ZNF253: variants seen among roughly 807,000 people sequenced by gnomAD.
The protein encoded by ZNF253 is DNA-binding protein.
ZNF253 carries 8 observed loss-of-function variants against 11.9 expected under a neutral mutation model. The observed-to-expected ratio is 0.67, with a 90% CI of 0.40 to 1.22. The LOEUF (loss-of-function observed/expected upper bound fraction) is 1.22. Among genes scored for constraint, ZNF253 ranks in the 50% most tolerant of loss-of-function variants. The pLI, the probability that ZNF253 is intolerant of heterozygous loss-of-function variation, is 0.01. For synonymous variants in ZNF253, 194 were observed against 194.9 expected (o/e 1.00, Z 0.04); for missense variants, 485 against 586.9 (o/e 0.83, Z 1.79).
At position 19,866,105 on chromosome 19, in the gene ZNF253, C is replaced by T. The variant is rs1021941944; in HGVS notation, c.3+106C>T. 14 of 1,472,874 alleles carry T rather than the reference C, an allele frequency of 9.5e-6. No individual in the cohort carries two copies. In the African/African-American group the frequency reaches 1.9e-4, roughly 20 times the overall value. 91.2% of individuals were successfully genotyped at this position (1,472,874 alleles called of 1,614,324 possible). Reference sequence around the variant, plus strand: ...CCTCACAGTCAGCTCCACAATCTGCCGCCGGAGTTCTCCCTGCCCAGCTCG... The same window carrying T: ...CCTCACAGTCAGCTCCACAATCTGCTGCCGGAGTTCTCCCTGCCCAGCTCG... On this transcript the variant is annotated intron_variant, in intron 1 of 3. Transcript: ENST00000589717.
intron 2 of ZNF253, 55 bp downstream of exon 2, chr19:19,878,662 T>C: frequency 6.5e-7 from 1 of 1,546,128 alleles, no homozygotes; most frequent in South Asian, 1.2e-5. Flanking sequence ...TTTATTTCTC[T>C]TTTTTGTAGA....
chr19:19,880,706 CAAA>C (rs555124619), intron 3 of ZNF253, among the ~76,000 whole-genome samples: 4 of 118,566 alleles, frequency 3.4e-5, no homozygotes, highest in Admixed American at 8.8e-5. Flanking sequence ...CTCCATCTCA[CAAA>C]AAAAAAAAAA....
intron 3 of ZNF253, among the ~76,000 whole-genome samples, chr19:19,888,757 A>G (rs1372807478): frequency 1.3e-5 from 2 of 152,196 alleles, no homozygotes; most frequent in African/African-American, 4.8e-5. Context: ...ATAATAAGTA[A>G]GGAATTCTAT....
chr19:19,876,249 A>C (rs1187849210), intron 1 of ZNF253, among the ~76,000 whole-genome samples: 1 of 152,198 alleles, frequency 6.6e-6, no homozygotes, highest in African/African-American at 2.4e-5. Flanking sequence ...AAACCTGCAG[A>C]ATCATATTAC....
In ZNF253 at chr19:19,885,291, CT is replaced by C. The variant is rs1417150389; in HGVS notation, c.226+5146del. On this transcript the variant is annotated intron_variant, in intron 3 of 3. Coordinates refer to ENST00000589717, the MANE Select transcript of ZNF253 (RefSeq NM_021047.3). ...TCTTTCTTTCTTTCTTTCTTTCTTTCTCTTTCTTTTCTTTCTTTCTTTCTTT... is the reference window on the plus strand; with the variant it reads ...TCTTTCTTTCTTTCTTTCTTTCTTTCCTTTCTTTTCTTTCTTTCTTTCTTT... Among the ~76,000 whole-genome samples, 22 of 24,786 alleles carry C rather than the reference CT, an allele frequency of 8.9e-4. 2 individuals carry two copies. The highest frequency in any genetic ancestry group is 4.8e-3 in the African/African-American group (15 of 3,098). The allele number at this position is 24,786 out of a possible 152,430, so 16.3% of individuals were successfully genotyped here.
At chr19:19,883,308 A>T (rs2063185532) in intron 3 of ZNF253, among the ~76,000 whole-genome samples, 1 of 152,150 alleles carries the variant, frequency 6.6e-6, no homozygotes, top group South Asian at 2.1e-4. Context: ...TCTTAAATCT[A>T]TTGAAGTGTA....
intron 3 of ZNF253, among the ~76,000 whole-genome samples, chr19:19,883,340 T>G (rs1041503778): frequency 6.6e-6 from 1 of 152,148 alleles, no homozygotes; most frequent in East Asian, 1.9e-4. Flanking sequence ...CAAGTGTGGT[T>G]GTGGCTCTCA....
At chr19:19,872,439 G>A (rs1239768600) in intron 1 of ZNF253, among the ~76,000 whole-genome samples, 1 of 151,514 alleles carries the variant, frequency 6.6e-6, no homozygotes, top group South Asian at 2.1e-4. Context: ...GTGCAGTTAT[G>A]TATTTCTCCT....
At chr19:19,881,688 C>G (rs1015523508) in intron 3 of ZNF253, among the ~76,000 whole-genome samples, 2 of 149,318 alleles carry the variant, frequency 1.3e-5, no homozygotes, top group Middle Eastern at 7.0e-3. Flanking sequence ...CATACATATA[C>G]TTATGTATGT....
intron 1 of ZNF253, among the ~76,000 whole-genome samples, chr19:19,876,737 G>A (rs1210513500): frequency 1.3e-5 from 2 of 151,944 alleles, no homozygotes; most frequent in African/African-American, 2.4e-5. Context: ...TTCTGTTTCA[G>A]ATCAAGAGCT....
At chr19:19,887,443 T>G (rs983905709) in intron 3 of ZNF253, among the ~76,000 whole-genome samples, 1 of 152,028 alleles carries the variant, frequency 6.6e-6, no homozygotes, top group African/African-American at 2.4e-5. Context: ...ATTAAAGGCA[T>G]CTGCTACCAC....
chr19:19,881,789 A>T (rs1286086654), intron 3 of ZNF253, among the ~76,000 whole-genome samples: 1 of 152,072 alleles, frequency 6.6e-6, no homozygotes, highest in African/African-American at 2.4e-5. Context: ...ATGTGATTGT[A>T]TGATCTACAG....
Position 19,891,667 on chromosome 19 carries a change from G to T in ZNF253, c.420G>T (p.Gln140His). ...NGLNQCLTTT[Q>H]KEIFQCDKYG... ...TTAACCAATGTTTGACAACTACCCA[G>T]AAAGAAATATTTCAATGTGATAAAT... is the stretch of plus-strand genomic sequence containing the variant. The change falls in exon 4 of 4, where the codon CAG (glutamine) becomes CAT (histidine). Residue 140 changes from glutamine (Q) to histidine (H), a missense_variant. Around this residue, in one of 3 missense-constraint regions of ZNF253, gnomAD observed 218 missense variants for 213.1 expected, o/e 1.02. Transcript: ENST00000589717. The T allele has an allele frequency of 6.2e-7, 1 of 1,614,080 alleles. No homozygotes were observed. The highest frequency in any genetic ancestry group is 1.3e-5 in the African/African-American group (1 of 75,036).
At chr19:19,878,648 A>G in intron 2 of ZNF253, 41 bp downstream of exon 2, 1 of 1,560,318 alleles carries the variant, frequency 6.4e-7, no homozygotes, top group South Asian at 1.2e-5. Context: ...TATACCCTGA[A>G]GATTTTATTT....
At position 19,880,143 on chromosome 19, in the gene ZNF253, C is replaced by A; in HGVS notation, c.223C>A (p.Pro75Thr). The A allele has an allele frequency of 6.2e-7, 1 of 1,601,938 alleles. No individual in the cohort carries two copies. Among genetic ancestry groups the A allele is most frequent in the Non-Finnish European group, 8.5e-7 (1 of 1,174,626 alleles). Residue 75 changes from proline (P) to threonine (T), a missense_variant, in exon 3 of 4, where the codon CCA (proline) becomes ACA (threonine). Pro to Thr is a conservative substitution (Grantham distance 38, BLOSUM62 -1). Around this residue, in one of 3 missense-constraint regions of ZNF253, gnomAD observed 218 missense variants for 213.1 expected, o/e 1.02. Transcript: ENST00000589717. ...AAGACATGAGATGATTGCCAAACCC[C>A]CAGGTAGGTACGAGTGAAAACGAAT... Reference protein sequence around the residue: ...MERHEMIAKPPVMSSHFAQDL... With the variant: ...MERHEMIAKPTVMSSHFAQDL...
Position 19,891,775 on chromosome 19 carries a change from A to G in ZNF253, c.528A>G (p.Ile176Met), listed in dbSNP as rs61740948. 157 of 1,614,140 alleles carry G rather than the reference A, an allele frequency of 9.7e-5. No individual in the cohort carries two copies. The African/African-American group carries it at 1.6e-3, about 17-fold the overall frequency. ...HTGINLFKCI[I>M]CGKAFKRSST... ...GAATAAATCTTTTCAAATGTATAATATGTGGCAAAGCTTTTAAACGGTCCT... is the reference window on the plus strand; with the variant it reads ...GAATAAATCTTTTCAAATGTATAATGTGTGGCAAAGCTTTTAAACGGTCCT... Residue 176 changes from isoleucine (I) to methionine (M), a missense_variant, in exon 4 of 4, where the codon ATA becomes ATG. Around this residue, in one of 3 missense-constraint regions of ZNF253, gnomAD observed 218 missense variants for 213.1 expected, o/e 1.02. Coordinates refer to ENST00000589717, the MANE Select transcript of ZNF253 (RefSeq NM_021047.3).
chr19:19,889,822 T>C (rs2063221266), intron 3 of ZNF253, among the ~76,000 whole-genome samples: 1 of 152,178 alleles, frequency 6.6e-6, no homozygotes, highest in Non-Finnish European at 1.5e-5. Flanking sequence ...GTATTTTTAG[T>C]AGTTACAGGG....
At chr19:19,869,926 C>T (rs1349800033) in intron 1 of ZNF253, among the ~76,000 whole-genome samples, 2 of 151,896 alleles carry the variant, frequency 1.3e-5, no homozygotes, top group East Asian at 3.9e-4. Context: ...CTGCTTCAGC[C>T]TCCAAAAGTG....
rs1028447476 is a variant in ZNF253, at chr19:19,865,915, A to G, written c.-82A>G. On this transcript the variant is annotated 5_prime_UTR_variant, in exon 1 of 4. In the 5' UTR this introduces an upstream ATG that the reference lacks. Coordinates refer to ENST00000589717, the MANE Select transcript of ZNF253 (RefSeq NM_021047.3). The stretch of plus-strand genomic sequence containing the variant: ...TCAGTGTTCTGTGTCCTGTGCTTAT[A>G]GAGGCCCGTCCTCTGTGGCCGTGTG... 11 of 1,560,966 alleles carry G rather than the reference A, an allele frequency of 7.0e-6. No homozygotes were observed. Among genetic ancestry groups the G allele is most frequent in the African/African-American group, 4.1e-5 (3 of 73,856 alleles).
Sources: gnomAD v4.1 joint callset for allele counts (sites outside exome capture counted in the v4.1 genomes callset) on GRCh38, gnomAD v4.1.1 for gene constraint, gnomAD v4.1.1 regional missense constraint, MANE v1.5 for transcripts, NCBI Gene and HGNC (gene_info 2026-07-23, HGNC 2026-07-21) for gene names.